COL5A2: variants seen among roughly 807,000 people sequenced by gnomAD.
COL5A2 encodes collagen alpha-2(V) chain.
Under a neutral mutation model 208.2 loss-of-function variants are expected in COL5A2, and 23 were observed. That is an observed-to-expected ratio of 0.11 (90% CI 0.08 to 0.16). The LOEUF (loss-of-function observed/expected upper bound fraction) is 0.16, where lower values mean the gene tolerates loss of function less well. Ranked by LOEUF, COL5A2 falls within the 10% of genes least tolerant of loss-of-function variation. The probability of loss-of-function intolerance (pLI) is 1.00; values close to 1 mark genes in which losing one functional copy is unlikely to be tolerated. For synonymous variants in COL5A2, 625 were observed against 628.5 expected (o/e 0.99, Z 0.08); for missense variants, 1,590 against 1,956.4 (o/e 0.81, Z 3.53).
chr2:189,328,293 T>C, the COL5A2 span, among the ~76,000 whole-genome samples: 4 of 152,190 alleles, frequency 2.6e-5, no homozygotes, highest in Non-Finnish European at 4.4e-5. Flanking sequence ...CTACACAACG[T>C]ATCTTTAAAA....
chr2:189,228,021 G>A (rs1559151095), upstream of COL5A2, among the ~76,000 whole-genome samples: 3 of 151,866 alleles, frequency 2.0e-5, no homozygotes, highest in Non-Finnish European at 4.4e-5. Context: ...ATCAACTGCA[G>A]AAAGAAAACA....
chr2:189,098,688 A>G (rs905396230), intron 5 of COL5A2, 39 bp downstream of exon 5: 4 of 1,506,926 alleles, frequency 2.7e-6, no homozygotes, highest in Admixed American at 1.7e-5. Context: ...TATCTCAAGG[A>G]ATACAAGAGT....
chr2:189,182,816 G>C (rs1559139956), upstream of COL5A2, among the ~76,000 whole-genome samples: 1 of 151,868 alleles, frequency 6.6e-6, no homozygotes, highest in Non-Finnish European at 1.5e-5. Context: ...ATATGCTCTG[G>C]CTTATAAGAA....
intron 3 of COL5A2, 37 bp from the exon 4 acceptor site, chr2:189,100,176 A>G (rs2105690234): frequency 6.4e-7 from 1 of 1,572,208 alleles, no homozygotes; most frequent in East Asian, 2.2e-5. Context: ...TTCAATTAGC[A>G]CAATATAATG....
Position 189,052,158 on chromosome 2 carries a change from C to G in COL5A2, c.2769+14G>C, listed in dbSNP as rs752531787. The G allele has an allele frequency of 1.1e-5, 18 of 1,611,950 alleles. No individual in the cohort carries two copies. Among genetic ancestry groups the G allele is most frequent in the Admixed American group, 1.7e-5 (1 of 59,974 alleles). ...ATTTCATTATCAGTGACTTGTCTCA[C>G]TAAGTTGACTTACAGCAGGGCCTGG... On this transcript the variant is annotated intron_variant, in intron 41 of 53. Transcript: ENST00000374866.
chr2:189,089,737 CTTA>C (rs1169686355), intron 7 of COL5A2, among the ~76,000 whole-genome samples: 1 of 152,018 alleles, frequency 6.6e-6, no homozygotes, highest in Non-Finnish European at 1.5e-5. Flanking sequence ...TATTATTGTT[CTTA>C]TTATATCTGT....
intron 50 of COL5A2, among the ~76,000 whole-genome samples, chr2:189,040,504 G>C (rs1427188190): frequency 1.3e-5 from 2 of 152,086 alleles, no homozygotes; most frequent in Non-Finnish European, 2.9e-5. Context: ...GAGACACATA[G>C]TCCACATCTC....
the COL5A2 span, among the ~76,000 whole-genome samples, chr2:189,336,547 T>C: frequency 1.3e-5 from 2 of 152,130 alleles, no homozygotes; most frequent in Non-Finnish European, 2.9e-5. Context: ...ATTTAAAAAA[T>C]GAAAAACTGA....
chr2:189,200,513 A>G (rs1689055964), intron 1 of COL5A2, among the ~76,000 whole-genome samples: 1 of 145,912 alleles, frequency 6.9e-6, no homozygotes, highest in South Asian at 2.3e-4. Flanking sequence ...ATATGGGAAG[A>G]AGATGGGATT....
intron 1 of COL5A2, among the ~76,000 whole-genome samples, chr2:189,129,276 T>C (rs563088085): frequency 7.9e-5 from 12 of 152,184 alleles, no homozygotes; most frequent in African/African-American, 1.9e-4. Context: ...TGTTTTTCTA[T>C]GCTTTTATAA....
At chr2:189,080,686 C>A (rs1288153428) in intron 13 of COL5A2, among the ~76,000 whole-genome samples, 3 of 152,144 alleles carry the variant, frequency 2.0e-5, no homozygotes, top group Non-Finnish European at 4.4e-5. Flanking sequence ...ACCTTTTCAT[C>A]CGTATCCCCC....
At chr2:189,078,371 C>A in intron 16 of COL5A2, 145 bp downstream of exon 16, 1 of 703,626 alleles carries the variant, frequency 1.4e-6, no homozygotes, top group South Asian at 1.6e-5. Context: ...TTTCTGTAAA[C>A]CTGACTTTAT....
At chr2:189,162,352 G>A (rs1688383214) in intron 1 of COL5A2, among the ~76,000 whole-genome samples, 1 of 152,158 alleles carries the variant, frequency 6.6e-6, no homozygotes, top group Non-Finnish European at 1.5e-5. Flanking sequence ...CATGGTGGGG[G>A]ATATACTCCT....
chr2:189,379,093 A>G, the COL5A2 span, among the ~76,000 whole-genome samples: 1 of 152,142 alleles, frequency 6.6e-6, no homozygotes. Flanking sequence ...AATCTTTTGA[A>G]TACTACAGAC....
intron 1 of COL5A2, among the ~76,000 whole-genome samples, chr2:189,114,552 C>A (rs1687349123): frequency 6.6e-6 from 1 of 151,136 alleles, no homozygotes; most frequent in Non-Finnish European, 1.5e-5. Flanking sequence ...AAATTCAATT[C>A]TGTCCTCCTG....
intron 47 of COL5A2, among the ~76,000 whole-genome samples, chr2:189,044,585 G>A (rs1252028897): frequency 6.6e-6 from 1 of 152,072 alleles, no homozygotes; most frequent in Non-Finnish European, 1.5e-5. Context: ...AATTAAAGAG[G>A]AGAATTATTT....
the COL5A2 span, among the ~76,000 whole-genome samples, chr2:189,418,680 T>C: frequency 6.6e-6 from 1 of 152,210 alleles, no homozygotes; most frequent in South Asian, 2.1e-4. Flanking sequence ...GAAGTCTTTG[T>C]ACTTCCTTTT....
the COL5A2 span, among the ~76,000 whole-genome samples, chr2:189,296,161 A>T: frequency 6.6e-6 from 1 of 152,078 alleles, no homozygotes; most frequent in Non-Finnish European, 1.5e-5. Flanking sequence ...GCTTCAATGT[A>T]GGTGTTTCTC....
intron 1 of COL5A2, among the ~76,000 whole-genome samples, chr2:189,194,336 T>C (rs1213418615): frequency 1.3e-5 from 2 of 152,210 alleles, no homozygotes; most frequent in African/African-American, 2.4e-5. Context: ...GCAGAAAATA[T>C]TTAAAAAATC....
Sources: allele counts gnomAD v4.1 joint callset (sites outside exome capture counted in the v4.1 genomes callset), GRCh38; gene constraint gnomAD v4.1.1; transcripts MANE v1.5; gene names NCBI Gene and HGNC (gene_info 2026-07-23, HGNC 2026-07-21).